Variants in PHLDB2 observed in about 807,000 individuals in gnomAD.
PHLDB2 encodes pleckstrin homology-like domain family B member 2.
PHLDB2 carries 71 observed loss-of-function variants against 123.6 expected under a neutral mutation model. That is an observed-to-expected ratio of 0.57 (90% CI 0.47 to 0.70). PHLDB2 has a LOEUF of 0.70. PHLDB2 is among the 30% of genes least tolerant of loss of function. PHLDB2 has a pLI of 0.00. For missense variants in PHLDB2, 1,446 were observed against 1,519.5 expected (o/e 0.95, Z 0.80); for synonymous variants, 547 against 541.6 (o/e 1.01, Z -0.14).
At chr3:111,963,265 T>C (rs1164981723) in intron 13 of PHLDB2, among the ~76,000 whole-genome samples, 1 of 152,186 alleles carries the variant, frequency 6.6e-6, no homozygotes, top group Non-Finnish European at 1.5e-5. Context: ...GCTTAATGAT[T>C]GAGAGGATGA....
intron 10 of PHLDB2, among the ~76,000 whole-genome samples, chr3:111,951,113 G>A (rs557590489): frequency 5.3e-5 from 8 of 152,166 alleles, no homozygotes; most frequent in East Asian, 1.9e-4. Context: ...GGTCATAGTG[G>A]GAGCTAGATT....
intron 1 of PHLDB2, among the ~76,000 whole-genome samples, chr3:111,749,450 T>G (rs1487094486): frequency 6.6e-6 from 1 of 152,230 alleles, no homozygotes; most frequent in Non-Finnish European, 1.5e-5. Flanking sequence ...AAGCAAGATT[T>G]GTATGTTTTG....
chr3:111,849,489 A>T (rs552696561), intron 2 of PHLDB2, among the ~76,000 whole-genome samples: 1 of 152,278 alleles, frequency 6.6e-6, no homozygotes, highest in Non-Finnish European at 1.5e-5. Context: ...GAAAATTCTT[A>T]TGTCAGTCTT....
intron 2 of PHLDB2, among the ~76,000 whole-genome samples, chr3:111,908,215 T>C (rs1264190936): frequency 2.0e-5 from 3 of 152,132 alleles, no homozygotes; most frequent in Non-Finnish European, 2.9e-5. Context: ...ATGACATAGA[T>C]AATCTCCCAG....
At chr3:111,962,704 T>C (rs2071478071) in intron 13 of PHLDB2, among the ~76,000 whole-genome samples, 1 of 151,760 alleles carries the variant, frequency 6.6e-6, no homozygotes. Context: ...CCAAGGTGAG[T>C]GGATCACCTG....
At chr3:111,812,066 T>A (rs1325934053) in intron 1 of PHLDB2, among the ~76,000 whole-genome samples, 1 of 152,168 alleles carries the variant, frequency 6.6e-6, no homozygotes, top group Non-Finnish European at 1.5e-5. Flanking sequence ...GAACCTGAAT[T>A]CCAGTATTTA....
At chr3:111,965,960 A>G (rs139027645) in intron 13 of PHLDB2, among the ~76,000 whole-genome samples, 50 of 152,166 alleles carry the variant, frequency 3.3e-4, no homozygotes, top group African/African-American at 1.2e-3. Context: ...AAGCTCTTAA[A>G]TCTCTTTATA....
rs1320724715 is a variant in PHLDB2 at position 111,919,150 on chromosome 3, A to T, written c.1798A>T (p.Asn600Tyr). Residue 600 changes from asparagine to tyrosine, a missense_variant, in exon 4 of 18, where the codon AAC (asparagine) becomes TAC (tyrosine). This residue lies in a region of PHLDB2 where 832 missense variants were observed against 831.9 expected (regional missense o/e 1.00). Transcript: ENST00000431670. ...AGAAACCCGGATAGTCATTCTGAAC[A>T]ACCTCGAGGAACTTAAGCAAAAAAT... ...MEETRIVILN[N>Y]LEELKQKIKD... 6.2e-7 allele frequency: 1 copy of T among 1,614,048 alleles called. No individual in the cohort carries two copies. The highest frequency in any genetic ancestry group is 8.5e-7 in the Non-Finnish European group (1 of 1,179,848).
At chr3:111,785,731 G>A (rs1335227788) in intron 1 of PHLDB2, among the ~76,000 whole-genome samples, 1 of 152,084 alleles carries the variant, frequency 6.6e-6, no homozygotes, top group Non-Finnish European at 1.5e-5. Context: ...CAAGAAGGAA[G>A]TCATAATTCT....
At chr3:111,927,319 G>A (rs941166104) in intron 5 of PHLDB2, among the ~76,000 whole-genome samples, 27 of 152,194 alleles carry the variant, frequency 1.8e-4, no homozygotes, top group African/African-American at 6.5e-4. Context: ...TTGAGCTCAG[G>A]AGTTCAAGAC....
chr3:111,782,215 A>G (rs1339405225), intron 1 of PHLDB2, among the ~76,000 whole-genome samples: 1 of 152,108 alleles, frequency 6.6e-6, no homozygotes, highest in Non-Finnish European at 1.5e-5. Flanking sequence ...TAAAATTGGT[A>G]GCAAATGTTC....
At chr3:111,941,515 G>A (rs2069882261) in intron 8 of PHLDB2, among the ~76,000 whole-genome samples, 1 of 152,114 alleles carries the variant, frequency 6.6e-6, no homozygotes, top group Non-Finnish European at 1.5e-5. Flanking sequence ...AGGTTAAGAG[G>A]AAAGGGGAAG....
intron 1 of PHLDB2, among the ~76,000 whole-genome samples, chr3:111,739,611 A>C (rs1220798276): frequency 7.5e-6 from 1 of 133,092 alleles, no homozygotes; most frequent in African/African-American, 2.9e-5. Flanking sequence ...AAAAAAAAAC[A>C]ATGGTCACAG....
intron 2 of PHLDB2, among the ~76,000 whole-genome samples, chr3:111,853,406 T>G (rs1479830724): frequency 6.6e-6 from 1 of 151,998 alleles, no homozygotes; most frequent in Non-Finnish European, 1.5e-5. Flanking sequence ...CTAAAAAGAG[T>G]GTGTAAATTG....
intron 1 of PHLDB2, among the ~76,000 whole-genome samples, chr3:111,815,559 T>C (rs116565349): frequency 2.6e-5 from 4 of 152,124 alleles, no homozygotes; most frequent in Non-Finnish European, 5.9e-5. Flanking sequence ...CCCTAGAGAT[T>C]TGTGGAACTT....
chr3:111,880,843 A>AC (rs2065897139), intron 1 of PHLDB2, among the ~76,000 whole-genome samples: 1 of 152,194 alleles, frequency 6.6e-6, no homozygotes, highest in South Asian at 2.1e-4. Context: ...GTGTCTGGGA[A>AC]CTTATCTGCT....
intron 1 of PHLDB2, among the ~76,000 whole-genome samples, chr3:111,803,342 G>A (rs969926892): frequency 6.6e-6 from 1 of 152,178 alleles, no homozygotes; most frequent in Non-Finnish European, 1.5e-5. Context: ...AGGGTTCTCT[G>A]CAATCCTGAG....
chr3:111,913,261 T>G (rs888344120), intron 2 of PHLDB2, 58 bp from the exon 3 acceptor site: 1 of 1,499,114 alleles, frequency 6.7e-7, no homozygotes, highest in Non-Finnish European at 8.9e-7. Flanking sequence ...GTCTTTTTAT[T>G]TGGAGTAGTA....
chr3:111,951,068 T>C (rs866612421), intron 10 of PHLDB2, among the ~76,000 whole-genome samples: 2 of 152,326 alleles, frequency 1.3e-5, no homozygotes, highest in African/African-American at 2.4e-5. Context: ...TTATGGAATG[T>C]TGGAAAGTTA....
Sources: allele counts gnomAD v4.1 joint callset (sites outside exome capture counted in the v4.1 genomes callset), GRCh38; gene constraint gnomAD v4.1.1; regional missense constraint gnomAD v4.1.1; transcripts MANE v1.5; gene names NCBI Gene and HGNC (gene_info 2026-07-23, HGNC 2026-07-21).